The following SLC17A1 variants were observed in gnomAD, a reference collection of about 807,000 sequenced individuals.
SLC17A1 encodes the protein solute carrier family 17 member 1, also known as sodium-dependent phosphate transport protein 1.
In SLC17A1, 51 loss-of-function variants were observed where a neutral mutation model predicts 53.5. The ratio of observed to expected loss-of-function variants is 0.95; its 90% confidence interval spans 0.76 to 1.20. SLC17A1 has a LOEUF of 1.20. SLC17A1 is among the 50% of genes most tolerant of loss of function. The pLI is 0.00. For missense variants in SLC17A1, 538 were observed against 568.2 expected, an observed-to-expected ratio of 0.95 and a Z score of 0.54; for synonymous variants, 179 against 198.8, an observed-to-expected ratio of 0.90 and a Z score of 0.84.
At chr6:25,802,066 A>T (rs946953622) in intron 10 of SLC17A1, among the ~76,000 whole-genome samples, 14 of 152,252 alleles carry the variant, frequency 9.2e-5, no homozygotes, top group African/African-American at 2.6e-4. Context: ...AATTGGGACC[A>T]CTCATGACTT....
the SLC17A1 span, among the ~76,000 whole-genome samples, chr6:25,771,830 A>G: frequency 1.3e-5 from 2 of 152,162 alleles, no homozygotes; most frequent in Non-Finnish European, 2.9e-5. Flanking sequence ...AGTGGACATA[A>G]TACACAGAGA....
At chr6:25,765,005 C>T in the SLC17A1 span, among the ~76,000 whole-genome samples, 16 of 152,164 alleles carry the variant, frequency 1.1e-4, no homozygotes, top group Non-Finnish European at 1.5e-5. Flanking sequence ...TGCCACCAGC[C>T]CACCCACATA....
At chr6:25,744,304 T>A in the SLC17A1 span, among the ~76,000 whole-genome samples, 1 of 152,162 alleles carries the variant, frequency 6.6e-6, no homozygotes, top group Non-Finnish European at 1.5e-5. Context: ...GTGGATGGAT[T>A]GCAATGGGGA....
rs746603412 is a variant in SLC17A1 at position 25,812,855 on chromosome 6, G to A, written c.873C>T (p.Ser291=). 6.2e-7 allele frequency: 1 copy of A among 1,609,588 alleles called. No individual in the cohort carries two copies. The highest frequency in any genetic ancestry group is 1.3e-5 in the African/African-American group (1 of 74,670). The change falls in exon 8 of 13, where the codon TCC becomes TCT. Residue 291 remains serine (S), a synonymous_variant. Transcript: ENST00000244527. The stretch of plus-strand genomic sequence containing the variant: ...CCTCTTTTATATTAACATGAAGCAT[G>A]GAGTTGATAAACATTGGAGTGTATA... The part of the protein sequence containing the change: ...MTLYTPMFIN[S]MLHVNIKENG...
At chr6:25,788,283 A>G (rs527901014) in intron 12 of SLC17A1, among the ~76,000 whole-genome samples, 6 of 152,238 alleles carry the variant, frequency 3.9e-5, no homozygotes, top group Non-Finnish European at 8.8e-5. Flanking sequence ...AAATCTAAAC[A>G]GCAAATAAAG....
chr6:25,726,869 G>T, the SLC17A1 span: 9 of 1,574,300 alleles, frequency 5.7e-6, no homozygotes, highest in Non-Finnish European at 6.9e-6. Context: ...GTGTAACCCT[G>T]GAAAAGAACC....
chr6:25,770,959 C>G, the SLC17A1 span: 1 of 1,613,912 alleles, frequency 6.2e-7, no homozygotes. Flanking sequence ...GTTCTACTTG[C>G]TGGTGGTCTC....
the SLC17A1 span, among the ~76,000 whole-genome samples, chr6:25,730,750 C>T: frequency 6.6e-6 from 1 of 152,050 alleles, no homozygotes; most frequent in African/African-American, 2.4e-5. Context: ...CAATTTTTGT[C>T]AATTTAAAAA....
Position 25,811,379 on chromosome 6 carries a change from G to C in SLC17A1, c.1178+19C>G. On this transcript the variant is annotated intron_variant, in intron 10 of 12. Transcript: ENST00000244527. ...TTTATTTGTTAAAGGTTAAAAAAAA[G>C]CGTATAAACAAATCCTACCTGGGAG... The C allele has an allele frequency of 1.3e-6, 2 of 1,589,110 alleles. No individual in the cohort carries two copies. The highest frequency in any genetic ancestry group is 8.6e-7 in the Non-Finnish European group (1 of 1,166,404).
At chr6:25,819,985 AG>A (rs1764497533) in intron 3 of SLC17A1, 70 bp from the exon 4 acceptor site, 1 of 1,070,978 alleles carries the variant, frequency 9.3e-7, no homozygotes, top group African/African-American at 1.6e-5. Flanking sequence ...TTAGGGATTC[AG>A]GGAAACTGTT....
the SLC17A1 span, among the ~76,000 whole-genome samples, chr6:25,765,014 T>C: frequency 1.3e-5 from 2 of 152,154 alleles, no homozygotes; most frequent in Non-Finnish European, 1.5e-5. Flanking sequence ...CCCACCCACA[T>C]ACACCACCAC....
chr6:25,821,685 A>C (rs189390827), intron 3 of SLC17A1, among the ~76,000 whole-genome samples: 4 of 152,304 alleles, frequency 2.6e-5, no homozygotes, highest in Admixed American at 6.5e-5. Context: ...AAAAAAGTTC[A>C]CCAGAATTGG....
At chr6:25,738,391 T>C in the SLC17A1 span, among the ~76,000 whole-genome samples, 41,295 of 152,048 alleles carry the variant, frequency 0.27, 6,827 homozygotes, top group East Asian at 0.7. Flanking sequence ...ACCTTACACC[T>C]TGCCTAAAAT....
At chr6:25,734,824 CTG>C in the SLC17A1 span, among the ~76,000 whole-genome samples, 1 of 152,182 alleles carries the variant, frequency 6.6e-6, no homozygotes, top group Admixed American at 6.5e-5. Context: ...TTTAAAATCA[CTG>C]TTATTTAATA....
the SLC17A1 span, among the ~76,000 whole-genome samples, chr6:25,733,705 TATAA>T: frequency 6.6e-6 from 1 of 152,076 alleles, no homozygotes; most frequent in African/African-American, 2.4e-5. Context: ...TGTTCATACT[TATAA>T]ATACTCGTAT....
chr6:25,768,145 C>T, the SLC17A1 span, among the ~76,000 whole-genome samples: 2 of 152,210 alleles, frequency 1.3e-5, no homozygotes, highest in South Asian at 4.1e-4. Context: ...GGTGCATTGG[C>T]TGGGTTGGGG....
chr6:25,739,337 T>C, the SLC17A1 span, among the ~76,000 whole-genome samples: 6 of 151,908 alleles, frequency 3.9e-5, no homozygotes, highest in Admixed American at 1.3e-4. Flanking sequence ...TCTACACTTA[T>C]GACATAATTA....
At chr6:25,751,652 T>C in the SLC17A1 span, among the ~76,000 whole-genome samples, 2 of 152,212 alleles carry the variant, frequency 1.3e-5, no homozygotes, top group Admixed American at 6.5e-5. Context: ...TGGTCATGAA[T>C]TGTGAACAGC....
the SLC17A1 span, among the ~76,000 whole-genome samples, chr6:25,741,598 C>A: frequency 6.6e-6 from 1 of 152,040 alleles, no homozygotes; most frequent in Non-Finnish European, 1.5e-5. Context: ...CGCCTATAAT[C>A]CCAGCTACTC....
Sources: allele counts gnomAD v4.1 joint callset (sites outside exome capture counted in the v4.1 genomes callset), GRCh38; gene constraint gnomAD v4.1.1; transcripts MANE v1.5; gene names NCBI Gene and HGNC (gene_info 2026-07-23, HGNC 2026-07-21).